PARVB: variants seen among roughly 807,000 people sequenced by gnomAD.
The protein encoded by PARVB is parvin beta.
PARVB carries 46 observed loss-of-function variants against 47.0 expected under a neutral mutation model. The ratio of observed to expected loss-of-function variants is 0.98; its 90% CI spans 0.77 to 1.25. The LOEUF is 1.25. PARVB is among the 50% of genes most tolerant of loss of function. The pLI is 0.00. For missense variants in PARVB, 473 were observed against 471.6 expected, an observed-to-expected ratio of 1.00 and a Z score of -0.03; for synonymous variants, 196 against 196.3, an observed-to-expected ratio of 1.00 and a Z score of 0.01.
chr22:44,062,326 T>C lies in PARVB; in HGVS notation c.113-31602T>C, dbSNP rs543033770. Among the ~76,000 whole-genome samples, 17 of 152,222 alleles carry C rather than the reference T, an allele frequency of 1.1e-4. No individual in the cohort carries two copies. The South Asian group carries it at 3.5e-3, about 32-fold the overall frequency. The stretch of plus-strand genomic sequence containing the variant: ...CCACGACTGCTTCCTCGGTTTTGAT[T>C]AATTTGCTGGGACTCAGAACTTGGA... On this transcript the variant is annotated intron_variant, in intron 1 of 12. Coordinates refer to ENST00000338758, the MANE Select transcript of PARVB (RefSeq NM_013327.5).
chr22:44,158,773 A>G (rs936910208), intron 11 of PARVB, among the ~76,000 whole-genome samples: 1 of 152,200 alleles, frequency 6.6e-6, no homozygotes, highest in African/African-American at 2.4e-5. Context: ...AGTATTTAGC[A>G]CATTGCCTTT....
intron 4 of PARVB, among the ~76,000 whole-genome samples, chr22:44,121,876 G>T (rs560010748): frequency 6.6e-6 from 1 of 152,144 alleles, no homozygotes; most frequent in South Asian, 2.1e-4. Flanking sequence ...TACTCTGATT[G>T]CATACAAAAA....
chr22:44,061,742 G>T (rs543072321), intron 1 of PARVB, among the ~76,000 whole-genome samples: 1 of 147,632 alleles, frequency 6.8e-6, no homozygotes, highest in Non-Finnish European at 1.5e-5. Flanking sequence ...TCAGCCTCCC[G>T]AGTAGCTGAG....
Position 44,124,477 on chromosome 22 carries a change from A to G in PARVB, c.376+5337A>G, listed in dbSNP as rs183481210. Among the ~76,000 whole-genome samples the G allele has an allele frequency of 2.2e-4, 33 of 152,264 alleles. No individual in the cohort carries two copies. The East Asian group carries it at 4.6e-3, about 21-fold the overall frequency. On this transcript the variant is annotated intron_variant, in intron 4 of 12. Transcript: ENST00000338758. ...CACAGACAAGCCCCATCTTGGTGGA[A>G]GGGTCTCCCCATGGGCTGTCCTGGA...
chr22:44,045,986 G>A (rs2051105216), intron 1 of PARVB, among the ~76,000 whole-genome samples: 1 of 152,202 alleles, frequency 6.6e-6, no homozygotes, highest in African/African-American at 2.4e-5. Flanking sequence ...GAATTGTACT[G>A]AATTTGAGAA....
chr22:44,010,200 G>A (rs1213073110), intron 2 of PARVB, among the ~76,000 whole-genome samples: 3 of 152,110 alleles, frequency 2.0e-5, no homozygotes, highest in Non-Finnish European at 4.4e-5. Context: ...TGCACCCCAC[G>A]GCCTGGAATC....
At chr22:44,092,588 G>T (rs1227117885) in intron 1 of PARVB, among the ~76,000 whole-genome samples, 1 of 152,108 alleles carries the variant, frequency 6.6e-6, no homozygotes, top group African/African-American at 2.4e-5. Context: ...CTGAAGGCTG[G>T]GTCCACAGAC....
At chr22:44,158,279 G>A (rs944405374) in intron 11 of PARVB, among the ~76,000 whole-genome samples, 196 bp downstream of exon 11, 2 of 152,336 alleles carry the variant, frequency 1.3e-5, no homozygotes, top group East Asian at 1.9e-4. Flanking sequence ...CAACGCATCC[G>A]AGTTTTGTTT....
chr22:44,120,094 G>A (rs2053010108), intron 4 of PARVB, among the ~76,000 whole-genome samples: 1 of 152,240 alleles, frequency 6.6e-6, no homozygotes, highest in South Asian at 2.1e-4. Flanking sequence ...CTGGTGAACA[G>A]CCGGGCAGCC....
intron 3 of PARVB, among the ~76,000 whole-genome samples, chr22:44,102,132 G>T (rs147492903): frequency 3.0e-4 from 45 of 152,356 alleles, no homozygotes; most frequent in African/African-American, 9.6e-4. Flanking sequence ...TGCGTCTGCA[G>T]CCCTGAGTAC....
rs6006491 is a variant in PARVB at position 44,126,430 on chromosome 22, C to G, written c.377-5057C>G. On this transcript the variant is annotated intron_variant, in intron 4 of 12. Transcript: ENST00000338758. ...TCACACCCAGCACTGTTGGGTACCA[C>G]TTGCTCTTGAGGTCTTCAAACCAGA... 9.6e-3 allele frequency among the ~76,000 whole-genome samples: 1,466 copies of G among 152,328 alleles called. 22 individuals are homozygous for G. Among genetic ancestry groups the G allele is most frequent in the African/African-American group, 0.034 (1,397 of 41,574 alleles).
chr22:44,109,022 G>A (rs2052629716), intron 3 of PARVB: 1 of 152,158 alleles, frequency 6.6e-6, no homozygotes, highest in Non-Finnish European at 1.5e-5. Flanking sequence ...CCAAGAGCAG[G>A]TTTCACATCT....
chr22:44,095,429 G>A (rs1034834606), intron 2 of PARVB, among the ~76,000 whole-genome samples: 3 of 151,932 alleles, frequency 2.0e-5, no homozygotes, highest in Non-Finnish European at 4.4e-5. Context: ...GCTTGAACCC[G>A]GGATTGGGAT....
chr22:44,094,141 G>C, intron 2 of PARVB, 124 bp downstream of exon 2: 1 of 552,540 alleles, frequency 1.8e-6, no homozygotes, highest in Non-Finnish European at 3.2e-6. Flanking sequence ...GGGGGCATTT[G>C]GGAGTCTAAG....
intron 2 of PARVB, among the ~76,000 whole-genome samples, chr22:44,098,396 G>A (rs1325413504): frequency 6.6e-6 from 1 of 152,202 alleles, no homozygotes; most frequent in Non-Finnish European, 1.5e-5. Flanking sequence ...GGGAGCTGAG[G>A]TCTGAAGGGT....
At chr22:44,003,091 A>G (rs2050429037) in intron 2 of PARVB, among the ~76,000 whole-genome samples, 1 of 152,180 alleles carries the variant, frequency 6.6e-6, no homozygotes. Flanking sequence ...TTTTCAATCA[A>G]TCAGTTTCTA....
At chr22:44,066,810 C>CCTCCTCCTCCTTCTCCTA (rs2051542695) in intron 1 of PARVB, among the ~76,000 whole-genome samples, 1 of 148,428 alleles carries the variant, frequency 6.7e-6, no homozygotes, top group Admixed American at 6.7e-5. Context: ...TCCTCCTCCT[C>CCTCCTCCTCCTTCTCCTA]CTCCTCCTCC....
At chr22:44,148,842 G>A (rs1413627806) in intron 9 of PARVB, 2 of 152,196 alleles carry the variant, frequency 1.3e-5, no homozygotes, top group Non-Finnish European at 2.9e-5. Context: ...TGGACGATGA[G>A]ATCATTCATT....
intron 2 of PARVB, among the ~76,000 whole-genome samples, chr22:44,003,816 C>T (rs2050436591): frequency 6.6e-6 from 1 of 152,206 alleles, no homozygotes; most frequent in African/African-American, 2.4e-5. Flanking sequence ...CTGGCAACTG[C>T]CGTCAGGTTT....
Sources: allele counts gnomAD v4.1 joint callset (sites outside exome capture counted in the v4.1 genomes callset), GRCh38; gene constraint gnomAD v4.1.1; transcripts MANE v1.5; gene names NCBI Gene and HGNC (gene_info 2026-07-23, HGNC 2026-07-21).